PRKG1: variants seen among roughly 807,000 people sequenced by gnomAD.
PRKG1 encodes protein kinase cGMP-dependent 1, also known as cGMP-dependent protein kinase 1.
A neutral mutation model predicts 88.1 loss-of-function variants in PRKG1; 35 were observed. That is an observed-to-expected ratio of 0.40 (90% CI 0.30 to 0.53). The LOEUF (loss-of-function observed/expected upper bound fraction) is 0.53. PRKG1 is among the 20% of genes least tolerant of loss of function. The pLI is 0.59. For synonymous variants in PRKG1, 303 were observed against 292.5 expected (o/e 1.04, Z -0.37); for missense variants, 540 against 839.8 (o/e 0.64, Z 4.41).
intron 1 of PRKG1, among the ~76,000 whole-genome samples, chr10:51,033,586 A>G (rs1459904340): frequency 6.6e-6 from 1 of 152,166 alleles, no homozygotes; most frequent in Non-Finnish European, 1.5e-5. Flanking sequence ...TACACATGGG[A>G]TGTATCCAAT....
chr10:51,545,405 T>C (rs1191459714), intron 3 of PRKG1, among the ~76,000 whole-genome samples: 2 of 152,162 alleles, frequency 1.3e-5, no homozygotes, highest in African/African-American at 4.8e-5. Flanking sequence ...TACTGGCAAC[T>C]GTGTGAGTGC....
chr10:51,616,234 G>C (rs936699751), intron 3 of PRKG1, among the ~76,000 whole-genome samples: 1 of 152,198 alleles, frequency 6.6e-6, no homozygotes, highest in Non-Finnish European at 1.5e-5. Flanking sequence ...TTGAGCACCA[G>C]GGTGGTGTAT....
chr10:51,197,130 T>A (rs1268694795), intron 2 of PRKG1, among the ~76,000 whole-genome samples: 2 of 152,134 alleles, frequency 1.3e-5, no homozygotes, highest in Admixed American at 6.6e-5. Context: ...ATAAAAATTA[T>A]TAACACCTGT....
chr10:51,199,543 G>A lies in PRKG1; in HGVS notation c.478+46213G>A, dbSNP rs547284940. On this transcript the variant is annotated intron_variant, in intron 2 of 17. Coordinates refer to ENST00000373980, the MANE Select transcript of PRKG1 (RefSeq NM_006258.4). ...GATCTATTTTCTACCATTATCGGCTGTGTTACCAGCACAATGGCCTGTATG... is the reference window on the plus strand; with the variant it reads ...GATCTATTTTCTACCATTATCGGCTATGTTACCAGCACAATGGCCTGTATG... Among the ~76,000 whole-genome samples, 28 of 152,286 alleles carry A rather than the reference G, an allele frequency of 1.8e-4. No homozygotes were observed. In the South Asian group the frequency reaches 4.8e-3, roughly 26 times the overall value.
intron 3 of PRKG1, among the ~76,000 whole-genome samples, chr10:51,772,171 C>T (rs1838320694): frequency 6.6e-6 from 1 of 151,984 alleles, no homozygotes. Context: ...AGACCTGCTG[C>T]TATGTAAATT....
intron 2 of PRKG1, among the ~76,000 whole-genome samples, chr10:51,246,825 C>G (rs1459502324): frequency 6.6e-6 from 1 of 151,868 alleles, no homozygotes; most frequent in East Asian, 1.9e-4. Flanking sequence ...GCTATTCAGC[C>G]CCTTATTGAT....
At chr10:51,838,030 T>TA (rs372098189) in intron 4 of PRKG1, among the ~76,000 whole-genome samples, 95 of 152,022 alleles carry the variant, frequency 6.2e-4, no homozygotes, top group African/African-American at 2.1e-3. Context: ...TGGGAAAGTC[T>TA]AAAGCCAATT....
rs1199372501 is a variant in PRKG1 at position 51,861,295 on chromosome 10, C to T, written c.699-46212C>T. Reference sequence around the variant, plus strand: ...GAATTTATGTAATAACAACATTTGTCAACTTGGATAGAGTTTTGCTTCTAG... The same window carrying T: ...GAATTTATGTAATAACAACATTTGTTAACTTGGATAGAGTTTTGCTTCTAG... On this transcript the variant is annotated intron_variant, in intron 4 of 17. Coordinates refer to ENST00000373980, the MANE Select transcript of PRKG1 (RefSeq NM_006258.4). Among the ~76,000 whole-genome samples the T allele has an allele frequency of 2.0e-5, 3 of 152,264 alleles. No homozygotes were observed. In the East Asian group the frequency reaches 5.8e-4, roughly 29 times the overall value.
At chr10:51,715,321 A>G (rs570726304) in intron 3 of PRKG1, among the ~76,000 whole-genome samples, 1 of 152,318 alleles carries the variant, frequency 6.6e-6, no homozygotes, top group South Asian at 2.1e-4. Flanking sequence ...TCTTAATCTA[A>G]TTAGCATGTG....
At chr10:51,145,103 C>T (rs1845911757) in intron 1 of PRKG1, among the ~76,000 whole-genome samples, 1 of 152,088 alleles carries the variant, frequency 6.6e-6, no homozygotes, top group African/African-American at 2.4e-5. Flanking sequence ...GAAATTACAA[C>T]ATGTAACACA....
chr10:51,083,479 T>C (rs1405070432), intron 1 of PRKG1, among the ~76,000 whole-genome samples: 1 of 151,512 alleles, frequency 6.6e-6, no homozygotes, highest in Non-Finnish European at 1.5e-5. Flanking sequence ...TTGTAGCGTC[T>C]CTCTTGGTAT....
intron 5 of PRKG1, among the ~76,000 whole-genome samples, chr10:51,936,512 A>C (rs943714830): frequency 2.5e-4 from 38 of 152,026 alleles, no homozygotes; most frequent in African/African-American, 8.9e-4. Context: ...TTGTACCTAG[A>C]GGTAGTGAAA....
chr10:52,154,079 A>T (rs1020712682), intron 8 of PRKG1, among the ~76,000 whole-genome samples: 1 of 147,608 alleles, frequency 6.8e-6, no homozygotes, highest in Admixed American at 6.8e-5. Flanking sequence ...GGAACAAGTG[A>T]TGTTCTATTT....
intron 2 of PRKG1, among the ~76,000 whole-genome samples, chr10:51,440,769 C>A (rs1302955687): frequency 6.6e-6 from 1 of 151,782 alleles, no homozygotes; most frequent in Non-Finnish European, 1.5e-5. Flanking sequence ...TTGCATTTTT[C>A]TGCTTAAAAA....
At chr10:51,108,104 A>T (rs2131892360) in intron 1 of PRKG1, among the ~76,000 whole-genome samples, 1 of 152,252 alleles carries the variant, frequency 6.6e-6, no homozygotes, top group Non-Finnish European at 1.5e-5. Flanking sequence ...AATTAAGTTT[A>T]TATTTAAAAA....
At chr10:51,488,306 C>T (rs1379889387) in intron 3 of PRKG1, among the ~76,000 whole-genome samples, 2 of 152,210 alleles carry the variant, frequency 1.3e-5, no homozygotes, top group African/African-American at 4.8e-5. Context: ...TTTGGTCATT[C>T]TAGGTTTTTA....
chr10:51,537,727 CA>C (rs33928221), intron 3 of PRKG1, among the ~76,000 whole-genome samples: 127 of 107,560 alleles, frequency 1.2e-3, no homozygotes, highest in African/African-American at 2.8e-3. Flanking sequence ...GAGTCTGTCT[CA>C]AAAAAAAAAA....
intron 2 of PRKG1, chr10:51,299,520 C>T: frequency 2.1e-6 from 1 of 467,514 alleles, no homozygotes; most frequent in South Asian, 1.5e-5. Context: ...TTTGCTCATT[C>T]TTTAAAGTAG....
At chr10:51,590,988 G>C (rs7922718) in intron 3 of PRKG1, among the ~76,000 whole-genome samples, 10,966 of 152,216 alleles carry the variant, frequency 0.072, 1,300 homozygotes, top group African/African-American at 0.25. Flanking sequence ...TGACAGTTAG[G>C]GAGTGTACTG....
Sources: allele counts gnomAD v4.1 joint callset (sites outside exome capture counted in the v4.1 genomes callset), GRCh38; gene constraint gnomAD v4.1.1; transcripts MANE v1.5; gene names NCBI Gene and HGNC (gene_info 2026-07-23, HGNC 2026-07-21).